PISD: variants seen among roughly 807,000 people sequenced by gnomAD.
PISD encodes phosphatidylserine decarboxylase.
In PISD, 31 loss-of-function variants were observed where a neutral mutation model predicts 43.5. The observed-to-expected ratio is 0.71, with a 90% CI of 0.54 to 0.96. The LOEUF (loss-of-function observed/expected upper bound fraction) is 0.96. Ranked by LOEUF, PISD falls within the 40% of genes least tolerant of loss-of-function variation. The pLI, the probability that PISD is intolerant of heterozygous loss-of-function variation, is 0.00. For synonymous variants in PISD, 259 were observed against 228.7 expected (o/e 1.13, Z -1.20); for missense variants, 523 against 548.4 (o/e 0.95, Z 0.46).
At chr22:31,625,590 G>GCTCTCCGA (rs1340037154) in intron 3 of PISD, 63 of 722,676 alleles carry the variant, frequency 8.7e-5, no homozygotes, top group Non-Finnish European at 1.8e-5. Context: ...CCTGAAGCGG[G>GCTCTCCGA]CTCTCCGACT....
At chr22:31,624,213 C>A (rs2072750063) in intron 3 of PISD, among the ~76,000 whole-genome samples, 1 of 152,198 alleles carries the variant, frequency 6.6e-6, no homozygotes, top group East Asian at 1.9e-4. Flanking sequence ...AGCACCTGGG[C>A]CCAGGAAGGG....
chr22:31,639,072 C>T (rs536528709), intron 3 of PISD, among the ~76,000 whole-genome samples: 5 of 151,244 alleles, frequency 3.3e-5, no homozygotes, highest in Admixed American at 2.6e-4. Flanking sequence ...CAGCTCACTG[C>T]AACCTCCGCC....
At chr22:31,653,304 G>T (rs2074082463) in intron 1 of PISD, among the ~76,000 whole-genome samples, 1 of 152,126 alleles carries the variant, frequency 6.6e-6, no homozygotes, top group Non-Finnish European at 1.5e-5. Flanking sequence ...TTTCTAAACA[G>T]AATTTTAACG....
intron 2 of PISD, 122 bp downstream of exon 2, chr22:31,650,577 T>C (rs2074004778): frequency 3.6e-6 from 2 of 556,138 alleles, no homozygotes; most frequent in Non-Finnish European, 3.2e-6. Context: ...GATAACTGCA[T>C]GCCAGGTACT....
chr22:31,626,727 G>A (rs146964040), intron 3 of PISD, among the ~76,000 whole-genome samples: 5 of 152,320 alleles, frequency 3.3e-5, no homozygotes, highest in East Asian at 3.9e-4. Flanking sequence ...GGACACACCC[G>A]GCCCCTACAA....
At chr22:31,645,892 A>G (rs1036346580) in intron 3 of PISD, among the ~76,000 whole-genome samples, 1 of 151,012 alleles carries the variant, frequency 6.6e-6, no homozygotes, top group African/African-American at 2.4e-5. Context: ...CAAAACAAAT[A>G]AAATAAAATA....
At chr22:31,628,978 G>A (rs890816501) in intron 3 of PISD, 9 of 985,318 alleles carry the variant, frequency 9.1e-6, no homozygotes, top group South Asian at 4.7e-5. Context: ...CGGAGTGACC[G>A]GCCCTGTGAA....
intron 2 of PISD, among the ~76,000 whole-genome samples, chr22:31,649,292 C>G (rs1042771972): frequency 1.3e-5 from 2 of 152,094 alleles, no homozygotes; most frequent in East Asian, 3.8e-4. Context: ...CCAATAAGCA[C>G]AAGAAAAGAC....
In PISD at chr22:31,648,162, C is replaced by T; in HGVS notation, c.260G>A (p.Arg87Lys). 2 of 1,612,668 alleles carry T rather than the reference C, an allele frequency of 1.2e-6. No individual in the cohort carries two copies. Among genetic ancestry groups the T allele is most frequent in the Non-Finnish European group, 1.7e-6 (2 of 1,179,852 alleles). ...YAGYRQYEKY[R>K]ERELEKLGLE... ...TCCCAGCTTCTCCAGCTCTCGCTCC[C>T]TGTACTTCTCATACTGCCGGTACCC... Residue 87 changes from arginine (R) to lysine (K), a missense_variant, in exon 3 of 8, where the codon AGG (arginine) becomes AAG (lysine). Transcript: ENST00000439502.
rs754866362 is a variant in PISD, at chr22:31,621,371, G to A, written c.660C>T (p.Gly220=). The change falls in exon 5 of 8, where the codon GGC becomes GGT. Residue 220 remains glycine, a synonymous_variant. Coordinates refer to ENST00000439502, the MANE Select transcript of PISD (RefSeq NM_001326411.2). The part of the protein sequence containing the change: ...GVTYSLESFL[G]PRMCTEDLPF... ...GCAGGTCCTCTGTGCACATACGCGG[G>A]CCCAGGAACGACTCCAGGGAGTAGG... 11 of 1,613,968 alleles carry A rather than the reference G, an allele frequency of 6.8e-6. No homozygotes were observed. Among genetic ancestry groups the A allele is most frequent in the Non-Finnish European group, 9.3e-6 (11 of 1,180,016 alleles).
chr22:31,646,468 A>G (rs2073890534), intron 3 of PISD, among the ~76,000 whole-genome samples: 1 of 152,206 alleles, frequency 6.6e-6, no homozygotes, highest in South Asian at 2.1e-4. Context: ...AATAACTCCA[A>G]TTACATAAAC....
At position 31,620,702 on chromosome 22, in the gene PISD, A is replaced by C; in HGVS notation, c.856T>G (p.Ser286Ala). 1 of 1,614,206 alleles carries C rather than the reference A, an allele frequency of 6.2e-7. No individual in the cohort carries two copies. Among genetic ancestry groups the C allele is most frequent in the Non-Finnish European group, 8.5e-7 (1 of 1,180,016 alleles). ...HRRHFPGSLM[S>A]VNPGMARWIK... ...CAGCGAGCCATGCCAGGGTTCACTG[A>C]CATCAGGGAGCCTGCAGAGGCAGGG... is the stretch of plus-strand genomic sequence containing the variant. The change falls in exon 7 of 8, where the codon TCA becomes GCA. Residue 286 changes from serine to alanine, a missense_variant. Physicochemically the swap from Ser to Ala is moderately conservative, Grantham distance 99 (BLOSUM62 1). Coordinates refer to ENST00000439502, the MANE Select transcript of PISD (RefSeq NM_001326411.2).
chr22:31,619,201 T>G lies in PISD; in HGVS notation c.*411A>C. 3.1e-6 allele frequency: 1 copy of G among 321,148 alleles called. No homozygotes were observed. Among genetic ancestry groups the G allele is most frequent in the African/African-American group, 2.2e-5 (1 of 45,926 alleles). 19.9% of individuals were successfully genotyped at this position (321,148 alleles called of 1,614,324 possible). On this transcript the variant is annotated 3_prime_UTR_variant, in exon 8 of 8. Transcript: ENST00000439502. ...CACCTCACCCTGTGCAGCAGGAGCG[T>G]TAAGGCCAAAAAACAAAAGGGGCCA...
chr22:31,662,238 C>T (rs756174844), upstream of PISD: 83 of 1,594,918 alleles, frequency 5.2e-5, no homozygotes, highest in Non-Finnish European at 6.9e-5. Flanking sequence ...CGTGCCACGC[C>T]CCCTTCACAC....
At chr22:31,627,006 C>T (rs968214005) in intron 3 of PISD, among the ~76,000 whole-genome samples, 2 of 152,268 alleles carry the variant, frequency 1.3e-5, no homozygotes, top group African/African-American at 4.8e-5. Context: ...TCAGACATCG[C>T]TGTGGTCGCG....
At position 31,641,166 on chromosome 22, in the gene PISD, A is replaced by G. The variant is rs62237855; in HGVS notation, c.321+6935T>C. Among the ~76,000 whole-genome samples the G allele has an allele frequency of 2.5e-3, 381 of 152,108 alleles. 1 individual carries two copies. The highest frequency in any genetic ancestry group is 3.4e-3 in the Middle Eastern group (1 of 294). On this transcript the variant is annotated intron_variant, in intron 3 of 7. Coordinates refer to ENST00000439502, the MANE Select transcript of PISD (RefSeq NM_001326411.2). ...ATCATGCTCAACTAACGGATAAAAG[A>G]TTCACTCTTACCATAGATCTTATCA...
intron 1 of PISD, among the ~76,000 whole-genome samples, chr22:31,654,150 C>T (rs950672737): frequency 3.3e-5 from 5 of 152,172 alleles, no homozygotes; most frequent in African/African-American, 9.6e-5. Context: ...GTTGCCAACA[C>T]CAATGCACAC....
At chr22:31,661,263 C>T (rs538701904) in intron 1 of PISD, among the ~76,000 whole-genome samples, 2 of 152,218 alleles carry the variant, frequency 1.3e-5, no homozygotes, top group East Asian at 3.9e-4. Flanking sequence ...TCCGTCTCCT[C>T]CCAAAACAAT....
chr22:31,622,403 G>A (rs2072635358), intron 3 of PISD, among the ~76,000 whole-genome samples: 1 of 152,198 alleles, frequency 6.6e-6, no homozygotes, highest in Non-Finnish European at 1.5e-5. Context: ...AGGATACCCT[G>A]AGCACCAACA....
Sources: gnomAD v4.1 joint callset for allele counts (sites outside exome capture counted in the v4.1 genomes callset) on GRCh38, gnomAD v4.1.1 for gene constraint, MANE v1.5 for transcripts, NCBI Gene and HGNC (gene_info 2026-07-23, HGNC 2026-07-21) for gene names.